DGKB: variants seen among roughly 807,000 people sequenced by gnomAD.
DGKB encodes the protein 90 kDa diacylglycerol kinase.
In DGKB, 67 loss-of-function variants were observed where a neutral mutation model predicts 114.3. The observed-to-expected ratio is 0.59, with a 90% CI of 0.48 to 0.72. The LOEUF (loss-of-function observed/expected upper bound fraction) is 0.72, where lower values mean the gene tolerates loss of function less well. DGKB is among the 30% of genes least tolerant of loss of function. DGKB has a pLI of 0.00. For missense variants in DGKB, 907 were observed against 975.2 expected (o/e 0.93, Z 0.93); for synonymous variants, 398 against 323.1 (o/e 1.23, Z -2.49).
chr7:14,291,090 C>A (rs770411009), intron 23 of DGKB, among the ~76,000 whole-genome samples: 1 of 134,578 alleles, frequency 7.4e-6, no homozygotes, highest in East Asian at 2.2e-4. Flanking sequence ...TGCAGTGAGC[C>A]GAGGTCATGC....
intron 23 of DGKB, among the ~76,000 whole-genome samples, chr7:14,239,760 T>C (rs1055470584): frequency 6.6e-5 from 10 of 152,000 alleles, no homozygotes; most frequent in African/African-American, 2.4e-4. Context: ...CAAGCCTAAG[T>C]GGTAAAATAA....
Position 14,571,804 on chromosome 7 carries a change from G to C in DGKB, c.1770+2408C>G, listed in dbSNP as rs114183533. Among the ~76,000 whole-genome samples, 513 of 152,308 alleles carry C rather than the reference G, an allele frequency of 3.4e-3. 1 individual carries two copies. Among genetic ancestry groups the C allele is most frequent in the African/African-American group, 0.012 (501 of 41,560 alleles). On this transcript the variant is annotated intron_variant, in intron 20 of 25. Coordinates refer to ENST00000402815, the MANE Select transcript of DGKB (RefSeq NM_001350709.2). ...AAAAGAAGACTTACTGGCTCAAAGTGTTTGAGCGCAATCTCTAGACAACCA... is the reference window on the plus strand; with the variant it reads ...AAAAGAAGACTTACTGGCTCAAAGTCTTTGAGCGCAATCTCTAGACAACCA...
chr7:14,242,681 TATAAG>T (rs72406119), intron 23 of DGKB, among the ~76,000 whole-genome samples: 35,130 of 151,832 alleles, frequency 0.23, 4,877 homozygotes, highest in East Asian at 0.39. Context: ...TCCAGCTTCT[TATAAG>T]ATAAGTCATA....
chr7:14,353,318 A>G (rs933740280), intron 21 of DGKB, among the ~76,000 whole-genome samples: 8 of 152,190 alleles, frequency 5.3e-5, no homozygotes, highest in African/African-American at 1.9e-4. Context: ...TAAAGAAGAC[A>G]ATGTAACCTA....
chr7:14,800,430 A>C (rs750655911), intron 2 of DGKB, among the ~76,000 whole-genome samples: 9 of 152,198 alleles, frequency 5.9e-5, no homozygotes, highest in Non-Finnish European at 1.3e-4. Flanking sequence ...AGCTGTCAGC[A>C]AATATAAAGC....
intron 13 of DGKB, among the ~76,000 whole-genome samples, chr7:14,667,045 C>T (rs1414951305): frequency 1.3e-5 from 2 of 151,868 alleles, no homozygotes; most frequent in Non-Finnish European, 2.9e-5. Context: ...ATTATCAAGG[C>T]CAATTATCTG....
chr7:14,578,007 A>C lies in DGKB; in HGVS notation c.1609+2855T>G, dbSNP rs559472168. Among the ~76,000 whole-genome samples the C allele has an allele frequency of 3.3e-3, 505 of 152,258 alleles. 3 individuals carry two copies. The highest frequency in any genetic ancestry group is 0.012 in the African/African-American group (489 of 41,544). On this transcript the variant is annotated intron_variant, in intron 19 of 25. Coordinates refer to ENST00000402815, the MANE Select transcript of DGKB (RefSeq NM_001350709.2). Reference sequence around the variant, plus strand: ...AATCTCATTTTTAGTTGTAATCCCCATAATCCCCACGTGTCAAGGGAGGGA... The same window carrying C: ...AATCTCATTTTTAGTTGTAATCCCCCTAATCCCCACGTGTCAAGGGAGGGA...
chr7:14,950,787 A>G (rs1265718646), intron 1 of DGKB, among the ~76,000 whole-genome samples: 1 of 151,948 alleles, frequency 6.6e-6, no homozygotes. Flanking sequence ...CAAAGATACC[A>G]CAAGAAAAAG....
intron 21 of DGKB, among the ~76,000 whole-genome samples, chr7:14,401,501 GTTAAT>G (rs1480050229): frequency 6.6e-6 from 1 of 151,816 alleles, no homozygotes; most frequent in Non-Finnish European, 1.5e-5. Context: ...TTAACACTGT[GTTAAT>G]TATTGTCATT....
chr7:14,259,929 G>A (rs1318208271), intron 23 of DGKB, among the ~76,000 whole-genome samples: 1 of 151,972 alleles, frequency 6.6e-6, no homozygotes, highest in African/African-American at 2.4e-5. Context: ...AATATTAAAT[G>A]GTGTTCCTCA....
chr7:14,497,149 C>T (rs1454855405), intron 20 of DGKB, among the ~76,000 whole-genome samples: 2 of 151,304 alleles, frequency 1.3e-5, no homozygotes, highest in Non-Finnish European at 3.0e-5. Context: ...TACACAAAGG[C>T]ATACAGAGTA....
chr7:14,865,651 T>C (rs1310121378), intron 1 of DGKB, among the ~76,000 whole-genome samples: 1 of 152,184 alleles, frequency 6.6e-6, no homozygotes, highest in Non-Finnish European at 1.5e-5. Flanking sequence ...GGATTCTCTG[T>C]AGAATATTCA....
chr7:14,220,953 T>A (rs558986172), intron 23 of DGKB, among the ~76,000 whole-genome samples: 1 of 151,310 alleles, frequency 6.6e-6, no homozygotes, highest in Non-Finnish European at 1.5e-5. Context: ...AATTTTTTTT[T>A]AATTTCATTT....
At position 14,639,274 on chromosome 7, in the gene DGKB, T is replaced by C. The variant is rs535096876; in HGVS notation, c.1135-9006A>G. Among the ~76,000 whole-genome samples the C allele has an allele frequency of 2.1e-3, 326 of 152,274 alleles. 1 individual carries two copies. The highest frequency in any genetic ancestry group is 7.4e-3 in the African/African-American group (308 of 41,548). ...AAGGAAGACTAGGGATTTAGTAATA[T>C]TGACAAAGTGTGGCTTAAAAGGTAA... is the stretch of plus-strand genomic sequence containing the variant. On this transcript the variant is annotated intron_variant, in intron 13 of 25. Coordinates refer to ENST00000402815, the MANE Select transcript of DGKB (RefSeq NM_001350709.2).
At chr7:14,763,590 C>T (rs997910716) in intron 2 of DGKB, among the ~76,000 whole-genome samples, 1 of 151,976 alleles carries the variant, frequency 6.6e-6, no homozygotes, top group Non-Finnish European at 1.5e-5. Context: ...AGAACAAATA[C>T]AAGTTTATAA....
chr7:14,536,805 AG>A (rs537645265), intron 20 of DGKB, among the ~76,000 whole-genome samples: 207 of 151,632 alleles, frequency 1.4e-3, no homozygotes, highest in Admixed American at 5.7e-3. Context: ...TATTCAGCAT[AG>A]TCCTGGAAGT....
chr7:14,613,558 AGTGTGTGCGT>A (rs1328123472), intron 15 of DGKB, 145 bp from the exon 16 acceptor site: 16 of 545,710 alleles, frequency 2.9e-5, no homozygotes, highest in African/African-American at 2.5e-4. Context: ...TGTGTGTGTG[AGTGTGTGCGT>A]GTGTGTGCGT....
intron 21 of DGKB, among the ~76,000 whole-genome samples, chr7:14,445,970 T>A (rs1311688996): frequency 6.6e-6 from 1 of 152,062 alleles, no homozygotes; most frequent in Non-Finnish European, 1.5e-5. Context: ...CACAGATATT[T>A]TTTACTTTTA....
chr7:14,720,473 T>TTGTGTGTGTGTGTGTGTG (rs61654464), intron 5 of DGKB, among the ~76,000 whole-genome samples: 7 of 136,480 alleles, frequency 5.1e-5, no homozygotes, highest in African/African-American at 1.7e-4. Flanking sequence ...CCCGGCTGAT[T>TTGTGTGTGTGTGTGTGTG]TGTGTGTGTG....
Sources: gnomAD v4.1 joint callset for allele counts (sites outside exome capture counted in the v4.1 genomes callset) on GRCh38, gnomAD v4.1.1 for gene constraint, MANE v1.5 for transcripts, NCBI Gene and HGNC (gene_info 2026-07-23, HGNC 2026-07-21) for gene names.